The following DLGAP1 variants were observed in gnomAD, a reference collection of about 807,000 sequenced individuals.
DLGAP1 encodes DLG associated protein 1.
A neutral mutation model predicts 90.8 loss-of-function variants in DLGAP1; 11 were observed. That is an observed-to-expected ratio of 0.12 (90% CI 0.08 to 0.20). The LOEUF (loss-of-function observed/expected upper bound fraction) is 0.20. Ranked by LOEUF, DLGAP1 falls within the 10% of genes least tolerant of loss-of-function variation. The probability of loss-of-function intolerance (pLI) is 1.00; values close to 1 mark genes in which losing one functional copy is unlikely to be tolerated. For missense variants in DLGAP1, 1,050 were observed against 1,333.8 expected, an observed-to-expected ratio of 0.79 and a Z score of 3.31; for synonymous variants, 558 against 540.7, an observed-to-expected ratio of 1.03 and a Z score of -0.44.
chr18:3,564,382 AAG>A (rs2054318550), intron 9 of DLGAP1, among the ~76,000 whole-genome samples: 1 of 152,096 alleles, frequency 6.6e-6, no homozygotes, highest in South Asian at 2.1e-4. Flanking sequence ...CCCCATGTGG[AAG>A]GCTAGAGGAA....
chr18:4,424,987 A>T (rs2144707175), intron 1 of DLGAP1, among the ~76,000 whole-genome samples: 1 of 144,136 alleles, frequency 6.9e-6, no homozygotes, highest in East Asian at 2.1e-4. Context: ...TCCAACACAT[A>T]TTTACTGCCT....
intron 7 of DLGAP1, among the ~76,000 whole-genome samples, chr18:3,592,475 G>A (rs1305474921): frequency 2.0e-5 from 3 of 152,320 alleles, no homozygotes; most frequent in East Asian, 1.9e-4. Flanking sequence ...CCCGTGACAT[G>A]CCATTAGATC....
intron 2 of DLGAP1, among the ~76,000 whole-genome samples, chr18:4,063,737 T>C (rs1374670312): frequency 6.6e-6 from 1 of 152,120 alleles, no homozygotes. Flanking sequence ...CTTCCTTCCT[T>C]TCTCTCTTAA....
chr18:4,080,428 T>C (rs2075588453), intron 2 of DLGAP1, among the ~76,000 whole-genome samples: 1 of 152,210 alleles, frequency 6.6e-6, no homozygotes, highest in South Asian at 2.1e-4. Context: ...CCCCAAAATA[T>C]AGTTCTTTGA....
At chr18:4,406,152 G>A (rs1008006476) in intron 1 of DLGAP1, among the ~76,000 whole-genome samples, 3 of 152,224 alleles carry the variant, frequency 2.0e-5, no homozygotes, top group East Asian at 3.9e-4. Context: ...ACCAATCAGA[G>A]GCTGAAGTGG....
At chr18:4,357,504 CAG>C (rs754557231) in intron 1 of DLGAP1, among the ~76,000 whole-genome samples, 38 of 152,196 alleles carry the variant, frequency 2.5e-4, no homozygotes, top group Non-Finnish European at 4.7e-4. Flanking sequence ...TCTGTATTCT[CAG>C]TGTCTAAATC....
intron 3 of DLGAP1, among the ~76,000 whole-genome samples, chr18:3,900,344 A>G (rs2071753624): frequency 6.6e-6 from 1 of 152,170 alleles, no homozygotes; most frequent in Admixed American, 6.5e-5. Flanking sequence ...AGGACCCCCA[A>G]CTATCTCTCC....
chr18:4,081,087 C>T (rs2075600760), intron 2 of DLGAP1, among the ~76,000 whole-genome samples: 5 of 152,182 alleles, frequency 3.3e-5, no homozygotes, highest in South Asian at 2.1e-4. Context: ...TGGGGTTTCC[C>T]GTGTTGGCCA....
chr18:4,279,648 T>C (rs2079503990), intron 1 of DLGAP1, among the ~76,000 whole-genome samples: 1 of 152,202 alleles, frequency 6.6e-6, no homozygotes, highest in Non-Finnish European at 1.5e-5. Context: ...GTCTAACGTA[T>C]TGAATATTAG....
intron 7 of DLGAP1, among the ~76,000 whole-genome samples, chr18:3,628,752 T>C (rs78664624): frequency 0.028 from 4,269 of 152,368 alleles, 222 homozygotes; most frequent in African/African-American, 0.099. Context: ...ATATGTATTC[T>C]TTTGTATTTT....
intron 5 of DLGAP1, among the ~76,000 whole-genome samples, chr18:3,782,430 C>T (rs1266483120): frequency 6.6e-6 from 1 of 152,214 alleles, no homozygotes. Flanking sequence ...AGCCACTGAG[C>T]CCGGCCTTGG....
At chr18:4,141,400 A>G (rs1305246378) in intron 2 of DLGAP1, among the ~76,000 whole-genome samples, 1 of 151,936 alleles carries the variant, frequency 6.6e-6, no homozygotes, top group Non-Finnish European at 1.5e-5. Flanking sequence ...ACTTTAGAAA[A>G]CCCTGGAAAA....
intron 5 of DLGAP1, among the ~76,000 whole-genome samples, chr18:3,800,472 C>T (rs974919018): frequency 1.3e-5 from 2 of 152,064 alleles, no homozygotes; most frequent in Admixed American, 1.3e-4. Context: ...GTGTGGTTAA[C>T]CCACAAGCAT....
chr18:4,079,287 TCACACACACACACA>T (rs6146196), intron 2 of DLGAP1, among the ~76,000 whole-genome samples: 2,493 of 142,574 alleles, frequency 0.017, 32 homozygotes, highest in African/African-American at 0.026. Flanking sequence ...AAAGAAAATG[TCACACACACACACA>T]CACACACACA....
intron 1 of DLGAP1, among the ~76,000 whole-genome samples, chr18:4,331,046 G>C (rs536584183): frequency 1.2e-4 from 18 of 151,794 alleles, no homozygotes; most frequent in African/African-American, 4.4e-4. Context: ...GTTTAGGACT[G>C]GAATGTCCTC....
chr18:3,805,135 G>T (rs1429656058), intron 5 of DLGAP1, among the ~76,000 whole-genome samples: 1 of 152,216 alleles, frequency 6.6e-6, no homozygotes, highest in Non-Finnish European at 1.5e-5. Context: ...AACATATGTG[G>T]AGCAACTACT....
intron 1 of DLGAP1, among the ~76,000 whole-genome samples, chr18:4,170,706 T>TTAATC (rs763255948): frequency 1.4e-4 from 21 of 152,332 alleles, no homozygotes; most frequent in South Asian, 2.1e-4. Context: ...TATTAATAGC[T>TTAATC]TAATCTAATC....
At chr18:4,257,049 G>A (rs1358300671) in intron 1 of DLGAP1, among the ~76,000 whole-genome samples, 2 of 152,202 alleles carry the variant, frequency 1.3e-5, no homozygotes, top group East Asian at 3.8e-4. Flanking sequence ...GTTAGCACGT[G>A]TACTCACAGT....
intron 7 of DLGAP1, among the ~76,000 whole-genome samples, chr18:3,720,895 A>AAAAAAAAAAAAAAAAAAAAAAAAAAG (rs2061953800): frequency 7.1e-6 from 1 of 140,408 alleles, no homozygotes; most frequent in African/African-American, 2.9e-5. Flanking sequence ...CTACAAAAAA[A>AAAAAAAAAAAAAAAAAAAAAAAAAAG]AAAAAAAAAA....
Sources: gnomAD v4.1 joint callset for allele counts (sites outside exome capture counted in the v4.1 genomes callset) on GRCh38, gnomAD v4.1.1 for gene constraint, MANE v1.5 for transcripts, NCBI Gene and HGNC (gene_info 2026-07-23, HGNC 2026-07-21) for gene names.